Variants in DNAH10 observed in about 807,000 individuals in gnomAD.
DNAH10 encodes dynein axonemal heavy chain 10, also known as axonemal beta dynein heavy chain 10.
In DNAH10, 348 loss-of-function variants were observed where a neutral mutation model predicts 506.6. The observed-to-expected ratio is 0.69, with a 90% CI of 0.63 to 0.75. DNAH10 has a LOEUF of 0.75. Ranked by LOEUF, DNAH10 falls within the 30% of genes least tolerant of loss-of-function variation. The pLI is 0.00. For synonymous variants in DNAH10, 2,059 were observed against 2,198.6 expected (o/e 0.94, Z 1.78); for missense variants, 5,179 against 5,787.1 (o/e 0.89, Z 3.41).
At chr12:123,849,659 A>G (rs1951084907) in intron 34 of DNAH10, among the ~76,000 whole-genome samples, 2 of 152,136 alleles carry the variant, frequency 1.3e-5, no homozygotes, top group Admixed American at 1.3e-4. Context: ...GCCTTGTGAC[A>G]CCACATGTGT....
At chr12:123,834,452 C>A (rs1204475601) in intron 27 of DNAH10, among the ~76,000 whole-genome samples, 1 of 152,178 alleles carries the variant, frequency 6.6e-6, no homozygotes, top group Non-Finnish European at 1.5e-5. Context: ...AAGTGACCTG[C>A]CCACCTCGGG....
In DNAH10 at chr12:123,913,322, G is replaced by A. The variant is rs753032727; in HGVS notation, c.10352+7G>A. 38 of 1,577,498 alleles carry A rather than the reference G, an allele frequency of 2.4e-5. No homozygotes were observed. The highest frequency in any genetic ancestry group is 5.4e-5 in the African/African-American group (4 of 74,038). On this transcript the variant is annotated splice_region_variant and intron_variant, in intron 60 of 78. Coordinates refer to ENST00000673944, the MANE Select transcript of DNAH10 (RefSeq NM_001372106.1). This position sits in a 1 kb window ranked among gnomAD's most constrained non-coding sequence, Gnocchi z 5.1. ...TGGGGTCAGAAAACATCAGGTTAGC[G>A]CTGCTCACGAGCCCACCTGTTGCGG...
rs780610022 is a variant in DNAH10, at chr12:123,925,411, A to G, written c.11921+207A>G. ...ATAAGAAATTCAGTGTGAGCCACATATGCAGTTTCGAAAGTTCTAGTAGCT... is the reference window on the plus strand; with the variant it reads ...ATAAGAAATTCAGTGTGAGCCACATGTGCAGTTTCGAAAGTTCTAGTAGCT... On this transcript the variant is annotated intron_variant, in intron 68 of 78. Coordinates refer to ENST00000673944, the MANE Select transcript of DNAH10 (RefSeq NM_001372106.1). This position sits in a 1 kb window ranked among gnomAD's most constrained non-coding sequence, Gnocchi z 4.0. 2 of 567,814 alleles carry G rather than the reference A, an allele frequency of 3.5e-6. No individual in the cohort carries two copies. The highest frequency in any genetic ancestry group is 3.9e-5 in the Admixed American group (1 of 25,852). 35.2% of individuals were successfully genotyped at this position (567,814 alleles called of 1,614,324 possible).
intron 25 of DNAH10, among the ~76,000 whole-genome samples, chr12:123,827,415 A>G (rs1960103961): frequency 6.6e-6 from 1 of 152,244 alleles, no homozygotes. Context: ...TGTATTTTAT[A>G]TCTATAGCCT....
At chr12:123,914,784 T>C in intron 61 of DNAH10, 68 bp from the exon 62 acceptor site, 1 of 1,562,770 alleles carries the variant, frequency 6.4e-7, no homozygotes. Context: ...AGGCCAGTCC[T>C]ACCACCCTTA....
In DNAH10 at chr12:123,903,549, G is replaced by T. The variant is rs907473067; in HGVS notation, c.9815+436G>T. Among the ~76,000 whole-genome samples the T allele has an allele frequency of 6.6e-6, 1 of 152,220 alleles. No individual in the cohort carries two copies. The highest frequency in any genetic ancestry group is 2.4e-5 in the African/African-American group (1 of 41,466). On this transcript the variant is annotated intron_variant, in intron 57 of 78. Coordinates refer to ENST00000673944, the MANE Select transcript of DNAH10 (RefSeq NM_001372106.1). This position sits in a 1 kb window ranked among gnomAD's most constrained non-coding sequence, Gnocchi z 4.6. ...GATGCCTGAATCCATTTCCAGCCAAGGAAGCTTTCAAGGAGGGTGAGAGTA... is the reference window on the plus strand; with the variant it reads ...GATGCCTGAATCCATTTCCAGCCAATGAAGCTTTCAAGGAGGGTGAGAGTA...
chr12:123,848,763 T>C lies in DNAH10; in HGVS notation c.5983T>C (p.Cys1995Arg). 1 of 1,614,004 alleles carries C rather than the reference T, an allele frequency of 6.2e-7. No individual in the cohort carries two copies. Among genetic ancestry groups the C allele is most frequent in the Non-Finnish European group, 8.5e-7 (1 of 1,179,870 alleles). Residue 1995 changes from cysteine to arginine, a missense_variant, in exon 34 of 79, where the codon TGC (cysteine) becomes CGC (arginine). By Grantham distance (180) the Cys-to-Arg change is radical. Around this residue, in one of 3 missense-constraint regions of DNAH10, gnomAD observed 4,844 missense variants for 5,430.5 expected, o/e 0.89. Coordinates refer to ENST00000673944, the MANE Select transcript of DNAH10 (RefSeq NM_001372106.1). Reference sequence around the variant, plus strand: ...GAAGATTTTCTCTGGCCTGGCACAGTGCGGGGCTTGGGGCTGCTTTGATGA... The same window carrying C: ...GAAGATTTTCTCTGGCCTGGCACAGCGCGGGGCTTGGGGCTGCTTTGATGA... ...VGKIFSGLAQ[C>R]GAWGCFDEFN... is the part of the protein sequence containing the mutation.
chr12:123,895,593 G>A (rs1356949353), intron 54 of DNAH10, among the ~76,000 whole-genome samples: 4 of 152,090 alleles, frequency 2.6e-5, no homozygotes, highest in African/African-American at 7.2e-5. Context: ...TAAATGAATC[G>A]CTATGGCTGT....
At position 123,785,269 on chromosome 12, in the gene DNAH10, C is replaced by G. The variant is rs1270031158; in HGVS notation, c.1231-477C>G. 6.6e-6 allele frequency among the ~76,000 whole-genome samples: 1 copy of G among 152,122 alleles called. No homozygotes were observed. Among genetic ancestry groups the G allele is most frequent in the African/African-American group, 2.4e-5 (1 of 41,414 alleles). Reference sequence around the variant, plus strand: ...CTTGTTATCGTCTTTCTGATAATAGCCATTGTGGTTTAATTTGCATTTCCT... The same window carrying G: ...CTTGTTATCGTCTTTCTGATAATAGGCATTGTGGTTTAATTTGCATTTCCT... On this transcript the variant is annotated intron_variant, in intron 8 of 78. Transcript: ENST00000673944. The surrounding 1 kb of genome is among the most constrained non-coding windows in gnomAD (Gnocchi z 4.1).
Position 123,926,904 on chromosome 12 carries a change from C to A in DNAH10, c.12105+84C>A. ...AAGAAGGAGCTAACCTGGGTTTAAG[C>A]TGAGTGCCACGCCACAAATCAGTTG... On this transcript the variant is annotated intron_variant, in intron 69 of 78. Transcript: ENST00000673944. The surrounding 1 kb of genome is among the most constrained non-coding windows in gnomAD (Gnocchi z 4.1). The A allele has an allele frequency of 6.9e-7, 1 of 1,455,156 alleles. No homozygotes were observed. The highest frequency in any genetic ancestry group is 2.3e-5 in the Admixed American group (1 of 42,732). 90.1% of individuals were successfully genotyped at this position (1,455,156 alleles called of 1,614,324 possible).
At position 123,916,667 on chromosome 12, in the gene DNAH10, A is replaced by G. The variant is rs1250383852; in HGVS notation, c.10933A>G (p.Asn3645Asp). 6.2e-7 allele frequency: 1 copy of G among 1,613,910 alleles called. No individual in the cohort carries two copies. The change falls in exon 63 of 79, where the codon AAC (asparagine) becomes GAC (aspartate). Residue 3645 changes from asparagine to aspartate, a missense_variant. Transcript: ENST00000673944. The surrounding 1 kb of genome is among the most constrained non-coding windows in gnomAD (Gnocchi z 4.6). ...DYDSNFRLYL[N>D]TKLANPRYSP... ...TGATTCAAATTTCAGACTGTACCTG[A>G]ACACCAAGCTGGCCAATCCCAGATA...
intron 65 of DNAH10, among the ~76,000 whole-genome samples, chr12:123,920,969 C>T (rs1954695304): frequency 6.6e-6 from 1 of 152,070 alleles, no homozygotes; most frequent in South Asian, 2.1e-4. Flanking sequence ...ATGGTGGTCT[C>T]GCCATGTTGC....
rs1425334512 is a variant in DNAH10, at chr12:123,925,185, A to G, written c.11902A>G (p.Thr3968Ala). The G allele has an allele frequency of 6.2e-7, 1 of 1,613,746 alleles. No homozygotes were observed. The highest frequency in any genetic ancestry group is 8.5e-7 in the Non-Finnish European group (1 of 1,179,880). ...RVYRAVTDYV[T>A]VTMGEKYVQP... The stretch of plus-strand genomic sequence containing the variant: ...CTATCGGGCCGTGACTGACTATGTG[A>G]CTGTAACAATGGGAGAGAAGTAAGT... Residue 3968 changes from threonine to alanine, a missense_variant, in exon 68 of 79, where the codon ACT becomes GCT. Transcript: ENST00000673944. This position sits in a 1 kb window ranked among gnomAD's most constrained non-coding sequence, Gnocchi z 4.0.
At chr12:123,888,033 C>T (rs890406157) in intron 52 of DNAH10, among the ~76,000 whole-genome samples, 13 of 152,242 alleles carry the variant, frequency 8.5e-5, no homozygotes, top group African/African-American at 2.9e-4. Flanking sequence ...CGTGAGCCAC[C>T]GTGCCTGGCA....
At chr12:123,838,216 CG>C (rs1961381200) in intron 28 of DNAH10, among the ~76,000 whole-genome samples, 2 of 152,194 alleles carry the variant, frequency 1.3e-5, no homozygotes, top group South Asian at 4.2e-4. Context: ...GGCCTTCTTA[CG>C]GGATAACGAA....
rs1565967516 is a variant in DNAH10, at chr12:123,835,401, TAC to T, written c.4780-3_4780-2del. 6.2e-7 allele frequency: 1 copy of T among 1,612,234 alleles called. No individual in the cohort carries two copies. Among genetic ancestry groups the T allele is most frequent in the Non-Finnish European group, 8.5e-7 (1 of 1,179,138 alleles). ...TGCTGACACTGACCTTTTGTACATTTACAGATTTGGATGTTGGTTCAGAGAAA... is the reference window on the plus strand; with the variant it reads ...TGCTGACACTGACCTTTTGTACATTTAGATTTGGATGTTGGTTCAGAGAAA... On this transcript the variant is annotated splice_polypyrimidine_tract_variant and splice_region_variant and intron_variant, in intron 27 of 78. Transcript: ENST00000673944.
intron 57 of DNAH10, chr12:123,908,310 C>A: frequency 2.2e-6 from 1 of 455,900 alleles, no homozygotes; most frequent in South Asian, 1.5e-5. Flanking sequence ...GTCCCTCCAT[C>A]CCCCTCTTTC....
chr12:123,914,783 C>G, intron 61 of DNAH10, 69 bp from the exon 62 acceptor site: 1 of 1,559,894 alleles, frequency 6.4e-7, no homozygotes. Context: ...AAGGCCAGTC[C>G]TACCACCCTT....
At chr12:123,924,247 T>A in intron 66 of DNAH10, 31 bp from the exon 67 acceptor site, 1 of 1,583,552 alleles carries the variant, frequency 6.3e-7, no homozygotes, top group Non-Finnish European at 8.6e-7. Context: ...AGTGGTACAA[T>A]GGCTGCTTGC....
Sources: allele counts gnomAD v4.1 joint callset (sites outside exome capture counted in the v4.1 genomes callset), GRCh38; gene constraint gnomAD v4.1.1; regional missense constraint gnomAD v4.1.1; non-coding constraint Gnocchi (gnomAD v3.1); transcripts MANE v1.5; gene names NCBI Gene and HGNC (gene_info 2026-07-23, HGNC 2026-07-21).